The following XXYLT1 variants were observed in gnomAD, a reference collection of about 807,000 sequenced individuals.
XXYLT1 encodes the protein UDP-xylose:alpha-xyloside alpha-1,3-xylosyltransferase.
In XXYLT1, 20 loss-of-function variants were observed where a neutral mutation model predicts 28.9. That is an observed-to-expected ratio of 0.69 (90% CI 0.49 to 1.00). The LOEUF is 1.00. XXYLT1 is among the 50% of genes least tolerant of loss of function. The pLI is 0.00. For missense variants in XXYLT1, 542 were observed against 560.1 expected, an observed-to-expected ratio of 0.97 and a Z score of 0.33; for synonymous variants, 257 against 253.8, an observed-to-expected ratio of 1.01 and a Z score of -0.12.
At chr3:195,132,257 A>T (rs1718940919) in intron 3 of XXYLT1, among the ~76,000 whole-genome samples, 1 of 152,196 alleles carries the variant, frequency 6.6e-6, no homozygotes, top group South Asian at 2.1e-4. Context: ...TGGGATAATT[A>T]AACATTCCAA....
chr3:195,251,792 T>C (rs1354784615), intron 1 of XXYLT1, among the ~76,000 whole-genome samples: 1 of 152,000 alleles, frequency 6.6e-6, no homozygotes, highest in Admixed American at 6.5e-5. Flanking sequence ...GAACATGGAA[T>C]GGGAAGGGGA....
intron 1 of XXYLT1, among the ~76,000 whole-genome samples, chr3:195,227,549 G>A (rs1451773522): frequency 6.6e-6 from 1 of 152,194 alleles, no homozygotes; most frequent in Non-Finnish European, 1.5e-5. Context: ...AGCTACGGCA[G>A]AGCTTTGCAA....
At chr3:195,098,951 T>A (rs1716612271) in intron 3 of XXYLT1, among the ~76,000 whole-genome samples, 1 of 152,244 alleles carries the variant, frequency 6.6e-6, no homozygotes, top group Non-Finnish European at 1.5e-5. Flanking sequence ...CATGTGCCCC[T>A]TGGCTTGGCA....
intron 3 of XXYLT1, among the ~76,000 whole-genome samples, chr3:195,110,145 GGTGTC>G (rs1717451918): frequency 1.8e-5 from 1 of 56,598 alleles, no homozygotes; most frequent in Non-Finnish European, 3.9e-5. Flanking sequence ...TGGTGTGTGT[GGTGTC>G]TGTGTGTTGT....
intron 3 of XXYLT1, among the ~76,000 whole-genome samples, chr3:195,147,700 C>T (rs7642304): frequency 0.015 from 2,307 of 152,254 alleles, 69 homozygotes; most frequent in African/African-American, 0.052. Context: ...GCCAGCACCG[C>T]GGAGGAAACG....
At chr3:195,228,081 G>C (rs1457425219) in intron 1 of XXYLT1, among the ~76,000 whole-genome samples, 1 of 152,184 alleles carries the variant, frequency 6.6e-6, no homozygotes, top group Non-Finnish European at 1.5e-5. Context: ...TTCTTCCTCA[G>C]TGCTCCTAAG....
chr3:195,256,602 G>C lies in XXYLT1; in HGVS notation c.504+13953C>G, dbSNP rs1368773329. 2 of 984,138 alleles carry C rather than the reference G, an allele frequency of 2.0e-6. No individual in the cohort carries two copies. Among genetic ancestry groups the C allele is most frequent in the African/African-American group, 3.5e-5 (2 of 57,208 alleles). The allele number at this position is 984,138 out of a possible 1,614,324, so 61.0% of individuals were successfully genotyped here. ...GCACATTCAGGATGGGGTCTGGAAA[G>C]GGCATGAGCTCTGTAAGCCCCCAGC... On this transcript the variant is annotated intron_variant, in intron 1 of 3. Transcript: ENST00000310380. This position sits in a 1 kb window ranked among gnomAD's most constrained non-coding sequence, Gnocchi z 4.2.
chr3:195,247,700 T>C, intron 1 of XXYLT1: 1 of 668,460 alleles, frequency 1.5e-6, no homozygotes, highest in African/African-American at 1.8e-5. Context: ...TGTATTAGCC[T>C]GTTCTCACAC....
intron 2 of XXYLT1, among the ~76,000 whole-genome samples, chr3:195,219,804 A>C (rs1046542643): frequency 2.0e-5 from 3 of 152,152 alleles, no homozygotes; most frequent in African/African-American, 7.2e-5. Flanking sequence ...GGGTGATAAC[A>C]CTCAGGAGGC....
chr3:195,085,220 G>A (rs934878240), intron 3 of XXYLT1, among the ~76,000 whole-genome samples: 1 of 152,264 alleles, frequency 6.6e-6, no homozygotes, highest in African/African-American at 2.4e-5. Context: ...GTTCAGAGGA[G>A]CACGGGCTTT....
intron 3 of XXYLT1, among the ~76,000 whole-genome samples, chr3:195,085,020 T>C (rs893155899): frequency 6.6e-6 from 1 of 151,910 alleles, no homozygotes; most frequent in African/African-American, 2.4e-5. Context: ...ACCTCCAGAG[T>C]GTGTGGTTCA....
chr3:195,127,817 G>A (rs1718713388), intron 3 of XXYLT1, among the ~76,000 whole-genome samples: 1 of 151,926 alleles, frequency 6.6e-6, no homozygotes, highest in Non-Finnish European at 1.5e-5. Context: ...ACGCCATGTA[G>A]AAAGAGGAAG....
At chr3:195,099,112 G>A (rs1006435531) in intron 3 of XXYLT1, among the ~76,000 whole-genome samples, 8 of 152,134 alleles carry the variant, frequency 5.3e-5, no homozygotes, top group Admixed American at 2.6e-4. Context: ...CAGGGGAACC[G>A]AGGACATGGC....
chr3:195,147,699 G>A (rs111329348), intron 3 of XXYLT1, among the ~76,000 whole-genome samples: 41 of 152,278 alleles, frequency 2.7e-4, no homozygotes, highest in African/African-American at 9.1e-4. Context: ...GGCCAGCACC[G>A]CGGAGGAAAC....
At chr3:195,184,146 A>C (rs939007847) in intron 2 of XXYLT1, among the ~76,000 whole-genome samples, 1 of 152,248 alleles carries the variant, frequency 6.6e-6, no homozygotes, top group Non-Finnish European at 1.5e-5. Flanking sequence ...CATCAGAGCA[A>C]GATACACAGG....
intron 2 of XXYLT1, among the ~76,000 whole-genome samples, chr3:195,204,442 ACACACACACG>A (rs992433142): frequency 6.6e-6 from 1 of 151,616 alleles, no homozygotes; most frequent in African/African-American, 2.4e-5. Context: ...TCTCTCCCTG[ACACACACACG>A]CACACACACA....
intron 1 of XXYLT1, among the ~76,000 whole-genome samples, chr3:195,246,680 CG>C (rs1725035811): frequency 6.6e-6 from 1 of 152,138 alleles, no homozygotes; most frequent in Non-Finnish European, 1.5e-5. Flanking sequence ...AAAGGAGAGG[CG>C]GGGGTGAGCA....
chr3:195,119,722 G>C (rs78533392), intron 3 of XXYLT1, among the ~76,000 whole-genome samples: 1 of 152,158 alleles, frequency 6.6e-6, no homozygotes, highest in African/African-American at 2.4e-5. Flanking sequence ...TGAGTCTCCC[G>C]AATGCCTCTT....
rs544974261 is a variant in XXYLT1, at chr3:195,168,868, C to A, written c.653-12287G>T. Among the ~76,000 whole-genome samples the A allele has an allele frequency of 5.3e-5, 8 of 152,290 alleles. No individual in the cohort carries two copies. The highest frequency in any genetic ancestry group is 1.9e-4 in the African/African-American group (8 of 41,550). ...TGACCAGCAGAAATGCAAGTTAGTC[C>A]CCATCCCCATCACAAAGTCTGAGCT... On this transcript the variant is annotated intron_variant, in intron 2 of 3. Coordinates refer to ENST00000310380, the MANE Select transcript of XXYLT1 (RefSeq NM_152531.5). This position sits in a 1 kb window ranked among gnomAD's most constrained non-coding sequence, Gnocchi z 4.3.
Sources: allele counts gnomAD v4.1 joint callset (sites outside exome capture counted in the v4.1 genomes callset), GRCh38; gene constraint gnomAD v4.1.1; non-coding constraint Gnocchi (gnomAD v3.1); transcripts MANE v1.5; gene names NCBI Gene and HGNC (gene_info 2026-07-23, HGNC 2026-07-21).